Variants in HECTD2 observed in about 807,000 individuals in gnomAD.
HECTD2 encodes the protein probable E3 ubiquitin-protein ligase HECTD2.
Under a neutral mutation model 103.2 loss-of-function variants are expected in HECTD2, and 35 were observed. That is an observed-to-expected ratio of 0.34 (90% CI 0.26 to 0.45). The LOEUF is 0.45. Ranked by LOEUF, HECTD2 falls within the 20% of genes least tolerant of loss-of-function variation. HECTD2 has a pLI of 1.00. For missense variants in HECTD2, 596 were observed against 937.4 expected (o/e 0.64, Z 4.76); for synonymous variants, 281 against 329.9 (o/e 0.85, Z 1.61).
chr10:91,415,131 G>T (rs937862008), intron 1 of HECTD2, among the ~76,000 whole-genome samples: 5 of 151,606 alleles, frequency 3.3e-5, no homozygotes, highest in African/African-American at 1.2e-4. Flanking sequence ...AGAGAAGAAA[G>T]ATTAATAAAG....
At chr10:91,490,499 A>G (rs1589536940) in intron 11 of HECTD2, among the ~76,000 whole-genome samples, 1 of 152,208 alleles carries the variant, frequency 6.6e-6, no homozygotes, top group African/African-American at 2.4e-5. Flanking sequence ...CAATATCTAA[A>G]AAATCCTAAG....
At chr10:91,435,805 T>G (rs538547917) in intron 2 of HECTD2, among the ~76,000 whole-genome samples, 1 of 152,054 alleles carries the variant, frequency 6.6e-6, no homozygotes, top group Non-Finnish European at 1.5e-5. Flanking sequence ...ATTATTTTGT[T>G]GATGATTTTC....
chr10:91,481,120 C>A lies in HECTD2; in HGVS notation c.692C>A (p.Ala231Glu). 1 of 1,527,972 alleles carries A rather than the reference C, an allele frequency of 6.5e-7. No homozygotes were observed. Among genetic ancestry groups the A allele is most frequent in the Non-Finnish European group, 8.9e-7 (1 of 1,119,814 alleles). The allele number at this position is 1,527,972 out of a possible 1,614,324, so 94.7% of individuals were successfully genotyped here. Reference sequence around the variant, plus strand: ...CCACGAACAAAAGATGATCTTAGAGCATATTTTATACTTTTACAGGTAAGA... The same window carrying A: ...CCACGAACAAAAGATGATCTTAGAGAATATTTTATACTTTTACAGGTAAGA... ...KGPRTKDDLR[A>E]YFILLQNPQF... Residue 231 changes from alanine (A) to glutamate (E), a missense_variant, in exon 7 of 21, where the codon GCA becomes GAA. Around this residue, in one of 4 missense-constraint regions of HECTD2, gnomAD observed 303 missense variants for 522.5 expected, o/e 0.58. Transcript: ENST00000298068.
chr10:91,444,679 A>G (rs9943307), intron 2 of HECTD2, among the ~76,000 whole-genome samples: 30,488 of 152,112 alleles, frequency 0.2, 7,284 homozygotes, highest in African/African-American at 0.58. Context: ...CTCACAGATG[A>G]TTCTTAAAAT....
chr10:91,420,045 G>T (rs1843288060), intron 1 of HECTD2, among the ~76,000 whole-genome samples: 1 of 152,142 alleles, frequency 6.6e-6, no homozygotes, highest in African/African-American at 2.4e-5. Context: ...TGCACAAAAT[G>T]ATGCCCGTTT....
At chr10:91,425,500 G>C in intron 2 of HECTD2, 90 bp downstream of exon 2, 2 of 945,270 alleles carry the variant, frequency 2.1e-6, no homozygotes, top group Non-Finnish European at 2.9e-6. Context: ...TGTTCTGATA[G>C]GTCTAGTTAA....
At chr10:91,492,037 C>T (rs1208287213) in intron 12 of HECTD2, among the ~76,000 whole-genome samples, 1 of 151,936 alleles carries the variant, frequency 6.6e-6, no homozygotes, top group Non-Finnish European at 1.5e-5. Context: ...TAAAGTTTAG[C>T]ATTGAAGGGG....
rs1392419805 is a variant in HECTD2 at position 91,484,206 on chromosome 10, A to C, written c.822-301A>C. On this transcript the variant is annotated intron_variant, in intron 8 of 20. Transcript: ENST00000298068. ...GTATTGATTTGGGGATTAACAATTA[A>C]ATTTTACCAAGTAGGCAAATTTGGA... 1.3e-5 allele frequency: 8 copies of C among 611,382 alleles called. No homozygotes were observed. The East Asian group carries it at 2.3e-4, about 17-fold the overall frequency. 37.9% of individuals were successfully genotyped at this position (611,382 alleles called of 1,614,324 possible). A position where few individuals can be genotyped will look rare whatever the true frequency, so the allele number is the denominator to read the frequency against.
intron 5 of HECTD2, among the ~76,000 whole-genome samples, chr10:91,464,908 C>A (rs1845477123): frequency 6.6e-6 from 1 of 152,000 alleles, no homozygotes. Context: ...GGGAAAAAAC[C>A]CTAAATGGAA....
At chr10:91,500,993 CT>C (rs1195236661) in intron 19 of HECTD2, among the ~76,000 whole-genome samples, 197 bp from the exon 20 acceptor site, 3 of 151,934 alleles carry the variant, frequency 2.0e-5, no homozygotes, top group African/African-American at 7.2e-5. Flanking sequence ...AACTTATATA[CT>C]TTTATAAAAA....
chr10:91,411,121 C>T (rs1428234278), intron 1 of HECTD2, among the ~76,000 whole-genome samples: 1 of 152,122 alleles, frequency 6.6e-6, no homozygotes, highest in Non-Finnish European at 1.5e-5. Context: ...TTTTATTTTT[C>T]ATATGGTACA....
intron 2 of HECTD2, among the ~76,000 whole-genome samples, chr10:91,440,090 C>A (rs1014093047): frequency 6.6e-6 from 1 of 152,078 alleles, no homozygotes; most frequent in Non-Finnish European, 1.5e-5. Context: ...TGCCTGACTG[C>A]CCTGGCCAAA....
intron 1 of HECTD2, among the ~76,000 whole-genome samples, chr10:91,414,509 T>C (rs1230651877): frequency 6.6e-6 from 1 of 152,176 alleles, no homozygotes; most frequent in Non-Finnish European, 1.5e-5. Flanking sequence ...TTTTAAAAAA[T>C]GGTCTCTGCC....
At chr10:91,512,214 T>C in intron 20 of HECTD2, 50 bp from the exon 21 acceptor site, 3 of 1,589,826 alleles carry the variant, frequency 1.9e-6, no homozygotes, top group Non-Finnish European at 2.6e-6. Flanking sequence ...ATAGCAGTCA[T>C]TTTGTGTGTG....
intron 20 of HECTD2, among the ~76,000 whole-genome samples, chr10:91,503,549 C>T (rs1847002077): frequency 1.3e-5 from 2 of 152,164 alleles, no homozygotes; most frequent in Non-Finnish European, 2.9e-5. Context: ...CACTCCCACC[C>T]GAATACTGCG....
intron 2 of HECTD2, among the ~76,000 whole-genome samples, chr10:91,431,475 T>C (rs1843864630): frequency 6.6e-6 from 1 of 152,164 alleles, no homozygotes; most frequent in African/African-American, 2.4e-5. Flanking sequence ...TGCAGAGTGT[T>C]TTCCAACTTG....
intron 13 of HECTD2, 75 bp from the exon 14 acceptor site, chr10:91,493,345 T>C (rs1447314149): frequency 4.5e-6 from 3 of 665,820 alleles, no homozygotes; most frequent in Non-Finnish European, 7.4e-6. Flanking sequence ...AGATGAGATG[T>C]CATGTACATG....
intron 2 of HECTD2, among the ~76,000 whole-genome samples, chr10:91,457,978 AG>A (rs1182984814): frequency 3.3e-5 from 5 of 151,516 alleles, no homozygotes; most frequent in Admixed American, 3.3e-4. Context: ...TTAGAAAATA[AG>A]AAATAAGACT....
chr10:91,467,014 A>G, intron 5 of HECTD2, among the ~76,000 whole-genome samples: 1 of 151,930 alleles, frequency 6.6e-6, no homozygotes, highest in Non-Finnish European at 1.5e-5. Context: ...GCACACTCCA[A>G]GCAGATCTTC....
Sources: gnomAD v4.1 joint callset for allele counts (sites outside exome capture counted in the v4.1 genomes callset) on GRCh38, gnomAD v4.1.1 for gene constraint, gnomAD v4.1.1 regional missense constraint, MANE v1.5 for transcripts, NCBI Gene and HGNC (gene_info 2026-07-23, HGNC 2026-07-21) for gene names.